The following MRAP2 variants were observed in gnomAD, a reference collection of about 807,000 sequenced individuals.
The protein encoded by MRAP2 is melanocortin-2 receptor accessory protein 2.
A neutral mutation model predicts 17.4 loss-of-function variants in MRAP2; 20 were observed. The ratio of observed to expected loss-of-function variants is 1.15; its 90% CI spans 0.81 to 1.67. The LOEUF is 1.67. Ranked by LOEUF, MRAP2 falls within the 40% of genes most tolerant of loss-of-function variation. The pLI, the probability that MRAP2 is intolerant of heterozygous loss-of-function variation, is 0.00. For synonymous variants in MRAP2, 96 were observed against 88.4 expected (o/e 1.09, Z -0.48); for missense variants, 238 against 240.0 (o/e 0.99, Z 0.05).
At chr6:84,143,519 A>C in the MRAP2 span, among the ~76,000 whole-genome samples, 1 of 152,108 alleles carries the variant, frequency 6.6e-6, no homozygotes, top group East Asian at 1.9e-4. Context: ...GTTTTCGTTA[A>C]GGGAAAAAAT....
At chr6:84,070,284 A>T (rs2099495891) in intron 3 of MRAP2, among the ~76,000 whole-genome samples, 1 of 152,078 alleles carries the variant, frequency 6.6e-6, no homozygotes, top group Non-Finnish European at 1.5e-5. Flanking sequence ...AAGTTTTGAT[A>T]GGTTGTGTCA....
At chr6:84,094,150 A>C (rs1281263838), downstream of MRAP2, among the ~76,000 whole-genome samples, 1 of 152,234 alleles carries the variant, frequency 6.6e-6, no homozygotes, top group Non-Finnish European at 1.5e-5. Flanking sequence ...GTTAGTACTT[A>C]AATGGATAAA....
At chr6:84,107,056 C>A in the MRAP2 span, among the ~76,000 whole-genome samples, 1 of 152,152 alleles carries the variant, frequency 6.6e-6, no homozygotes, top group African/African-American at 2.4e-5. Flanking sequence ...AGGCTCCAAA[C>A]CGCATCCCTG....
At chr6:84,140,713 T>TG in the MRAP2 span, among the ~76,000 whole-genome samples, 1 of 152,006 alleles carries the variant, frequency 6.6e-6, no homozygotes, top group African/African-American at 2.4e-5. Context: ...TTTATAGAGA[T>TG]GATGTCTCGT....
chr6:84,052,330 T>C (rs940344104), intron 1 of MRAP2, among the ~76,000 whole-genome samples: 3 of 152,036 alleles, frequency 2.0e-5, no homozygotes, highest in Non-Finnish European at 2.9e-5. Context: ...CCTCCCTCAC[T>C]GCGTGGGTGG....
chr6:84,140,458 T>C, the MRAP2 span, among the ~76,000 whole-genome samples: 2 of 152,160 alleles, frequency 1.3e-5, no homozygotes, highest in African/African-American at 2.4e-5. Flanking sequence ...CGAGGGAGAT[T>C]TGATCTTTTG....
the MRAP2 span, among the ~76,000 whole-genome samples, chr6:84,106,670 G>T: frequency 1.3e-5 from 2 of 152,168 alleles, no homozygotes; most frequent in Non-Finnish European, 2.9e-5. Context: ...GGCCATGGAT[G>T]CAGGCTGGGA....
chr6:84,057,819 G>A (rs889237829), intron 2 of MRAP2, among the ~76,000 whole-genome samples: 15 of 152,182 alleles, frequency 9.9e-5, no homozygotes, highest in African/African-American at 3.6e-4. Flanking sequence ...GGGGGTAAAG[G>A]GATGTGGAGT....
At chr6:84,061,779 C>G in intron 2 of MRAP2, 1 of 985,400 alleles carries the variant, frequency 1.0e-6, no homozygotes, top group Non-Finnish European at 1.2e-6. Flanking sequence ...GAGAAAATGA[C>G]AATTCTAATG....
upstream of MRAP2, among the ~76,000 whole-genome samples, chr6:84,033,252 C>G (rs867923156): frequency 6.6e-6 from 1 of 152,216 alleles, no homozygotes; most frequent in Admixed American, 6.5e-5. Flanking sequence ...AAGAGATGAG[C>G]CAGCCCTGCT....
At chr6:84,066,292 G>A (rs2099494666) in intron 3 of MRAP2, among the ~76,000 whole-genome samples, 3 of 152,130 alleles carry the variant, frequency 2.0e-5, no homozygotes, top group Admixed American at 1.3e-4. Flanking sequence ...AATAATGGAT[G>A]TTCCCTCAGG....
the MRAP2 span, among the ~76,000 whole-genome samples, chr6:84,145,011 G>A: frequency 2.0e-5 from 3 of 152,002 alleles, no homozygotes; most frequent in African/African-American, 7.2e-5. Context: ...TACTATCAAG[G>A]CTTTGATTGG....
chr6:84,100,726 AT>A, the MRAP2 span, among the ~76,000 whole-genome samples: 2 of 152,136 alleles, frequency 1.3e-5, no homozygotes, highest in East Asian at 3.9e-4. Context: ...ACTTCATAAC[AT>A]TTTTATTGCA....
At chr6:84,093,031 T>C (rs2099502037), downstream of MRAP2, among the ~76,000 whole-genome samples, 1 of 152,234 alleles carries the variant, frequency 6.6e-6, no homozygotes, top group Admixed American at 6.5e-5. Context: ...CTTGGAATCA[T>C]CTTTTCTTTT....
chr6:84,134,609 G>T, the MRAP2 span, among the ~76,000 whole-genome samples: 2 of 151,994 alleles, frequency 1.3e-5, no homozygotes, highest in Non-Finnish European at 2.9e-5. Context: ...GGAGTTCCCC[G>T]ACCCCTTGCA....
At chr6:84,034,440 A>G (rs1016830988) in intron 1 of MRAP2, among the ~76,000 whole-genome samples, 2 of 151,970 alleles carry the variant, frequency 1.3e-5, no homozygotes. Context: ...GTTACTGATT[A>G]GAGGGAAATA....
Position 84,085,058 on chromosome 6 carries a change from A to AT in MRAP2, c.228-4026dup, listed in dbSNP as rs1231693160. Among the ~76,000 whole-genome samples the AT allele has an allele frequency of 6.0e-5, 9 of 150,880 alleles. No homozygotes were observed. In the East Asian group the frequency reaches 1.6e-3, roughly 26 times the overall value. ...GGTGTGTTGCACCCATTAACTCATC[A>AT]TTTTTTTATTTTTTTGAGACAGAGT... On this transcript the variant is annotated intron_variant, in intron 3 of 3. Coordinates refer to ENST00000257776, the MANE Select transcript of MRAP2 (RefSeq NM_138409.4).
intron 3 of MRAP2, chr6:84,063,378 A>T (rs1228051672): frequency 3.8e-5 from 37 of 985,342 alleles, no homozygotes; most frequent in Non-Finnish European, 9.6e-6. Context: ...GATGAAAACC[A>T]GTTTTAAAAA....
the MRAP2 span, among the ~76,000 whole-genome samples, chr6:84,133,559 C>T: frequency 2.6e-5 from 4 of 152,306 alleles, no homozygotes; most frequent in South Asian, 8.3e-4. Flanking sequence ...CAAGCCTCAG[C>T]AACGGCGGAT....
Sources: allele counts gnomAD v4.1 joint callset (sites outside exome capture counted in the v4.1 genomes callset), GRCh38; gene constraint gnomAD v4.1.1; transcripts MANE v1.5; gene names NCBI Gene and HGNC (gene_info 2026-07-23, HGNC 2026-07-21).